DGKI: variants seen among roughly 807,000 people sequenced by gnomAD.
The protein encoded by DGKI is DAG kinase iota.
DGKI carries 55 observed loss-of-function variants against 147.5 expected under a neutral mutation model. The ratio of observed to expected loss-of-function variants is 0.37; its 90% confidence interval spans 0.30 to 0.47. The LOEUF (loss-of-function observed/expected upper bound fraction) is 0.47, where lower values mean the gene tolerates loss of function less well. DGKI is among the 20% of genes least tolerant of loss of function. The pLI, the probability that DGKI is intolerant of heterozygous loss-of-function variation, is 1.00. For missense variants in DGKI, 1,007 were observed against 1,323.8 expected (o/e 0.76, Z 3.71); for synonymous variants, 469 against 477.1 (o/e 0.98, Z 0.22).
Position 137,560,191 on chromosome 7 carries a change from T to C in DGKI, c.1948-7623A>G, listed in dbSNP as rs1245006744. ...TGAAAAAAACAAAATTATTGCTGAG[T>C]GAACTTAAGAGCAAATTGAAAGCTG... On this transcript the variant is annotated intron_variant, in intron 19 of 32. Transcript: ENST00000614521. Among the ~76,000 whole-genome samples the C allele has an allele frequency of 4.6e-5, 7 of 151,594 alleles. 1 individual carries two copies.
intron 20 of DGKI, among the ~76,000 whole-genome samples, chr7:137,542,902 C>G (rs538031311): frequency 1.3e-5 from 2 of 152,202 alleles, no homozygotes; most frequent in Non-Finnish European, 2.9e-5. Context: ...CCTTAATGTT[C>G]TTGTCTCTGC....
chr7:137,668,278 G>C (rs1026236758), intron 3 of DGKI, among the ~76,000 whole-genome samples: 1 of 152,210 alleles, frequency 6.6e-6, no homozygotes, highest in African/African-American at 2.4e-5. Context: ...AGCAGTCTCT[G>C]TTCTCCACGA....
chr7:137,786,380 A>C (rs933420884), intron 1 of DGKI, among the ~76,000 whole-genome samples: 3 of 152,116 alleles, frequency 2.0e-5, no homozygotes, highest in African/African-American at 4.8e-5. Context: ...ATAGCTGCAA[A>C]AAAATGAAAT....
At chr7:137,756,620 C>A (rs985550410) in intron 1 of DGKI, among the ~76,000 whole-genome samples, 1 of 152,162 alleles carries the variant, frequency 6.6e-6, no homozygotes, top group South Asian at 2.1e-4. Context: ...AGCTAGTAAA[C>A]CTAGTTATTT....
rs555720280 is a variant in DGKI at position 137,598,313 on chromosome 7, T to G, written c.1251-406A>C. ...TAATCAGTAGTCCTTATATATCCCC[T>G]CTTTATATTTATTAGTTTTCCCTGG... On this transcript the variant is annotated intron_variant, in intron 11 of 32. Transcript: ENST00000614521. Among the ~76,000 whole-genome samples, 11 of 152,288 alleles carry G rather than the reference T, an allele frequency of 7.2e-5. No individual in the cohort carries two copies. The South Asian group carries it at 2.1e-3, about 29-fold the overall frequency.
chr7:137,522,293 C>T (rs1816989100), intron 20 of DGKI, among the ~76,000 whole-genome samples: 1 of 151,988 alleles, frequency 6.6e-6, no homozygotes, highest in African/African-American at 2.4e-5. Flanking sequence ...TTCAGCAAAT[C>T]TGAAATAGTG....
At chr7:137,450,770 T>C (rs1813921783) in intron 27 of DGKI, among the ~76,000 whole-genome samples, 1 of 151,144 alleles carries the variant, frequency 6.6e-6, no homozygotes, top group African/African-American at 2.4e-5. Context: ...TTTTTAATTA[T>C]ATACATATCT....
At chr7:137,651,675 C>T (rs958986534) in intron 5 of DGKI, among the ~76,000 whole-genome samples, 14 of 151,680 alleles carry the variant, frequency 9.2e-5, no homozygotes, top group African/African-American at 2.2e-4. Context: ...AGTGGGCAGA[C>T]GGAAGAGAAC....
chr7:137,616,716 ATAAT>A (rs1820543132), intron 8 of DGKI, among the ~76,000 whole-genome samples: 1 of 152,164 alleles, frequency 6.6e-6, no homozygotes, highest in South Asian at 2.1e-4. Flanking sequence ...ACATAAAAAC[ATAAT>A]TAAGTAATTT....
chr7:137,472,601 A>G (rs1585148729), intron 23 of DGKI, among the ~76,000 whole-genome samples: 1 of 151,014 alleles, frequency 6.6e-6, no homozygotes, highest in East Asian at 1.9e-4. Flanking sequence ...TATGTGTAAC[A>G]TTTTGAGAAT....
intron 18 of DGKI, among the ~76,000 whole-genome samples, chr7:137,571,810 T>C (rs1005889077): frequency 1.3e-5 from 2 of 149,622 alleles, no homozygotes; most frequent in Non-Finnish European, 3.0e-5. Context: ...ATTGGAGAAA[T>C]AGAGGAAGAA....
intron 1 of DGKI, among the ~76,000 whole-genome samples, chr7:137,712,539 A>T (rs184248365): frequency 6.6e-6 from 1 of 152,338 alleles, no homozygotes; most frequent in Non-Finnish European, 1.5e-5. Flanking sequence ...ACACAGTCAA[A>T]TTGCTGCTGT....
chr7:137,689,786 A>G (rs1823541414), intron 2 of DGKI, 108 bp downstream of exon 2: 1 of 680,456 alleles, frequency 1.5e-6, no homozygotes, highest in African/African-American at 1.9e-5. Flanking sequence ...TCAGCAGGCA[A>G]TGTTGAAAAT....
Position 137,391,156 on chromosome 7 carries a change from G to A in DGKI, c.*64C>T. On this transcript the variant is annotated 3_prime_UTR_variant, in exon 33 of 33. Transcript: ENST00000614521. Reference sequence around the variant, plus strand: ...TCCATCAGCTTCTTCCAGGGGAGCTGCCCAATTGCAGGGAGGGCAGATGTG... The same window carrying A: ...TCCATCAGCTTCTTCCAGGGGAGCTACCCAATTGCAGGGAGGGCAGATGTG... 8.2e-7 allele frequency: 1 copy of A among 1,223,370 alleles called. No individual in the cohort carries two copies. The highest frequency in any genetic ancestry group is 2.3e-5 in the East Asian group (1 of 43,050). The allele number at this position is 1,223,370 out of a possible 1,614,324, so 75.8% of individuals were successfully genotyped here.
At chr7:137,721,993 G>C in intron 1 of DGKI, 6 of 1,557,566 alleles carry the variant, frequency 3.9e-6, no homozygotes, top group Non-Finnish European at 5.2e-6. Context: ...CAAGATGGCG[G>C]GTGAAAAAGT....
intron 23 of DGKI, among the ~76,000 whole-genome samples, chr7:137,480,439 T>A (rs36016986): frequency 0.032 from 4,850 of 152,228 alleles, 97 homozygotes; most frequent in Middle Eastern, 0.088. Flanking sequence ...AGAAAGGGGA[T>A]GAATGAAATA....
At chr7:137,475,457 T>C (rs976360222) in intron 23 of DGKI, among the ~76,000 whole-genome samples, 2 of 152,238 alleles carry the variant, frequency 1.3e-5, no homozygotes, top group Non-Finnish European at 2.9e-5. Flanking sequence ...ATTTTACTGA[T>C]GTCTCCCTTC....
chr7:137,839,291 T>C (rs546129192), intron 1 of DGKI, among the ~76,000 whole-genome samples: 1 of 152,350 alleles, frequency 6.6e-6, no homozygotes, highest in East Asian at 1.9e-4. Flanking sequence ...GTACATATTC[T>C]ATACCTTAAA....
chr7:137,754,447 G>A (rs527419683), intron 1 of DGKI, among the ~76,000 whole-genome samples: 2 of 152,296 alleles, frequency 1.3e-5, no homozygotes, highest in East Asian at 1.9e-4. Flanking sequence ...AGACTGCTGC[G>A]TGACCAGCTC....
Sources: allele counts gnomAD v4.1 joint callset (sites outside exome capture counted in the v4.1 genomes callset), GRCh38; gene constraint gnomAD v4.1.1; transcripts MANE v1.5; gene names NCBI Gene and HGNC (gene_info 2026-07-23, HGNC 2026-07-21).